Variants in PDE1C observed in about 807,000 individuals in gnomAD.
PDE1C encodes dual specificity calcium/calmodulin-dependent 3',5'-cyclic nucleotide phosphodiesterase 1C.
In PDE1C, 62 loss-of-function variants were observed where a neutral mutation model predicts 93.1. The observed-to-expected ratio is 0.67, with a 90% CI of 0.54 to 0.82. The LOEUF (loss-of-function observed/expected upper bound fraction) is 0.82. PDE1C is among the 40% of genes least tolerant of loss of function. PDE1C has a pLI of 0.00. For synonymous variants in PDE1C, 325 were observed against 310.1 expected (o/e 1.05, Z -0.50); for missense variants, 742 against 884.6 (o/e 0.84, Z 2.04).
intron 6 of PDE1C, among the ~76,000 whole-genome samples, chr7:31,869,567 G>C (rs1328396892): frequency 6.6e-6 from 1 of 152,014 alleles, no homozygotes; most frequent in African/African-American, 2.4e-5. Context: ...TCAGCCAGAG[G>C]ATATAACATT....
At chr7:32,016,573 A>G (rs1348283673) in intron 2 of PDE1C, among the ~76,000 whole-genome samples, 1 of 152,238 alleles carries the variant, frequency 6.6e-6, no homozygotes, top group African/African-American at 2.4e-5. Flanking sequence ...ATACATCAGA[A>G]CATTGTTTAT....
chr7:31,706,714 C>A, the PDE1C span, among the ~76,000 whole-genome samples: 1,006 of 152,260 alleles, frequency 6.6e-3, 8 homozygotes, highest in African/African-American at 0.023. Context: ...ATTGAAAGGA[C>A]AGGAAAAGCC....
chr7:31,903,767 T>C (rs1188578000), intron 2 of PDE1C, among the ~76,000 whole-genome samples: 3 of 152,108 alleles, frequency 2.0e-5, no homozygotes, highest in Non-Finnish European at 4.4e-5. Context: ...CTGAGTCAAA[T>C]AGGAAGTCAC....
intron 16 of PDE1C, among the ~76,000 whole-genome samples, chr7:31,803,293 C>A (rs1175242792): frequency 6.6e-6 from 1 of 151,800 alleles, no homozygotes; most frequent in African/African-American, 2.4e-5. Context: ...GTGTCTACTT[C>A]TGAACATATG....
intron 3 of PDE1C, among the ~76,000 whole-genome samples, chr7:32,079,077 A>G (rs1796513511): frequency 6.6e-6 from 1 of 152,256 alleles, no homozygotes; most frequent in African/African-American, 2.4e-5. Flanking sequence ...TTGTTTTTGA[A>G]AGGCCACCAA....
chr7:32,033,412 AG>A (rs1790599015), intron 2 of PDE1C, among the ~76,000 whole-genome samples: 1 of 152,180 alleles, frequency 6.6e-6, no homozygotes, highest in African/African-American at 2.4e-5. Context: ...TGAGCATCAA[AG>A]GAGCGCAATT....
chr7:31,917,620 GAACT>G (rs1024806723), intron 2 of PDE1C, among the ~76,000 whole-genome samples: 2 of 151,758 alleles, frequency 1.3e-5, no homozygotes, highest in Non-Finnish European at 2.9e-5. Context: ...AAAAAAAACT[GAACT>G]AACAAGAGAA....
intron 2 of PDE1C, among the ~76,000 whole-genome samples, chr7:31,990,328 C>G (rs1364345058): frequency 6.6e-6 from 1 of 152,186 alleles, no homozygotes; most frequent in Non-Finnish European, 1.5e-5. Flanking sequence ...CCCACATAAG[C>G]TTTCTTTCCT....
chr7:31,815,635 C>T lies in PDE1C; in HGVS notation c.1813+289G>A, dbSNP rs74640616. ...CACTCAGGAATGTGCTGGGGTTGAT[C>T]ATGGTAATTTTCCCCCAGCTGGCAG... On this transcript the variant is annotated intron_variant, in intron 15 of 17. Coordinates refer to ENST00000396191, the MANE Select transcript of PDE1C (RefSeq NM_001191057.4). Among the ~76,000 whole-genome samples, 7 of 146,532 alleles carry T rather than the reference C, an allele frequency of 4.8e-5. No homozygotes were observed. In the East Asian group the frequency reaches 1.4e-3, roughly 29 times the overall value.
intron 16 of PDE1C, among the ~76,000 whole-genome samples, chr7:31,801,353 A>G (rs991050299): frequency 6.6e-6 from 1 of 151,452 alleles, no homozygotes; most frequent in Admixed American, 6.6e-5. Flanking sequence ...ATTTAATTCT[A>G]TCATGGTCCA....
intron 1 of PDE1C, among the ~76,000 whole-genome samples, chr7:32,418,305 G>A (rs1386318767): frequency 6.6e-6 from 1 of 152,166 alleles, no homozygotes; most frequent in Non-Finnish European, 1.5e-5. Context: ...CTGGGTTCAA[G>A]TAAGACCCCC....
At chr7:32,023,785 T>C (rs948279407) in intron 2 of PDE1C, among the ~76,000 whole-genome samples, 2 of 152,050 alleles carry the variant, frequency 1.3e-5, no homozygotes, top group African/African-American at 2.4e-5. Context: ...GGTGTGGCCA[T>C]AAAATAGAAG....
At chr7:32,356,808 T>C (rs7808851) in intron 1 of PDE1C, among the ~76,000 whole-genome samples, 25,105 of 152,214 alleles carry the variant, frequency 0.16, 2,663 homozygotes, top group South Asian at 0.43. Context: ...CAACTCATTT[T>C]CTTTACAAAT....
chr7:31,652,641 A>T, the PDE1C span: 1 of 1,613,834 alleles, frequency 6.2e-7, no homozygotes. Context: ...GGCCCCGAGG[A>T]CTGTGTTTCC....
At chr7:32,404,029 A>G (rs532147813) in intron 1 of PDE1C, among the ~76,000 whole-genome samples, 1 of 152,134 alleles carries the variant, frequency 6.6e-6, no homozygotes, top group South Asian at 2.1e-4. Flanking sequence ...CTACATACAC[A>G]TGTACATATT....
intron 2 of PDE1C, among the ~76,000 whole-genome samples, chr7:31,883,993 T>C (rs1797575370): frequency 6.6e-6 from 1 of 152,010 alleles, no homozygotes; most frequent in Non-Finnish European, 1.5e-5. Flanking sequence ...TTTCAACAGA[T>C]CCAGAGAGGA....
At chr7:31,929,386 GA>G (rs1422189612) in intron 2 of PDE1C, among the ~76,000 whole-genome samples, 2 of 152,174 alleles carry the variant, frequency 1.3e-5, no homozygotes, top group Admixed American at 1.3e-4. Flanking sequence ...CGATGAGACA[GA>G]AAATTAACAA....
intron 1 of PDE1C, among the ~76,000 whole-genome samples, chr7:32,389,249 T>C (rs1784708381): frequency 6.6e-6 from 1 of 151,500 alleles, no homozygotes; most frequent in Admixed American, 6.6e-5. Flanking sequence ...GGAGTCTCAC[T>C]GTCTCACCCA....
intron 1 of PDE1C, among the ~76,000 whole-genome samples, chr7:32,412,187 G>T (rs796738313): frequency 2.0e-5 from 3 of 152,158 alleles, no homozygotes; most frequent in Non-Finnish European, 4.4e-5. Flanking sequence ...GGGCGCGGTG[G>T]CTCATGCCTG....
Sources: gnomAD v4.1 joint callset for allele counts (sites outside exome capture counted in the v4.1 genomes callset) on GRCh38, gnomAD v4.1.1 for gene constraint, MANE v1.5 for transcripts, NCBI Gene and HGNC (gene_info 2026-07-23, HGNC 2026-07-21) for gene names.